The following DSPP variants were observed in gnomAD, a reference collection of about 807,000 sequenced individuals.
The protein encoded by DSPP is dentin sialophosphoprotein, also known as deafness, autosomal dominant 39.
A neutral mutation model predicts 29.1 loss-of-function variants in DSPP; 28 were observed. The observed-to-expected ratio is 0.96, with a 90% CI of 0.71 to 1.32. The LOEUF (loss-of-function observed/expected upper bound fraction) is 1.32. Ranked by LOEUF, DSPP falls within the 40% of genes most tolerant of loss-of-function variation. The pLI, the probability that DSPP is intolerant of heterozygous loss-of-function variation, is 0.00. For synonymous variants in DSPP, 481 were observed against 503.4 expected (o/e 0.96, Z 0.60); for missense variants, 1,281 against 1,629.9 (o/e 0.79, Z 3.69).
At position 87,614,852 on chromosome 4, in the gene DSPP, C is replaced by G. The variant is rs1385594605; in HGVS notation, c.2190C>G (p.Asn730Lys). 3 of 1,551,030 alleles carry G rather than the reference C, an allele frequency of 1.9e-6. No homozygotes were observed. Among genetic ancestry groups the G allele is most frequent in the Admixed American group, 2.0e-5 (1 of 50,968 alleles). Residue 730 changes from asparagine to lysine, a missense_variant, in exon 5 of 5, where the codon AAC becomes AAG. Physicochemically the swap from Asn to Lys is moderately conservative, Grantham distance 94. Transcript: ENST00000651931. ...NSNSSDSDSS[N>K]SSDSSDSSNS... is the part of the protein sequence containing the mutation. ...ACAGCAGCGATAGTGACAGCAGCAA[C>G]AGCAGCGATAGCAGTGACAGCAGCA...
Position 87,616,583 on chromosome 4 carries a change from C to A in DSPP, c.*15C>A. Reference sequence around the variant, plus strand: ...GTGATGATTAGAACAAAAGAAAAACCCGTAAGATTCCTTTTGTGAAAAGTT... The same window carrying A: ...GTGATGATTAGAACAAAAGAAAAACACGTAAGATTCCTTTTGTGAAAAGTT... On this transcript the variant is annotated 3_prime_UTR_variant, in exon 5 of 5. Coordinates refer to ENST00000651931, the MANE Select transcript of DSPP (RefSeq NM_014208.3). The A allele has an allele frequency of 1.3e-6, 2 of 1,551,690 alleles. No homozygotes were observed. Among genetic ancestry groups the A allele is most frequent in the Non-Finnish European group, 1.7e-6 (2 of 1,146,992 alleles).
Position 87,614,505 on chromosome 4 carries a change from G to A in DSPP, c.1843G>A (p.Asp615Asn), listed in dbSNP as rs1320313182. The change falls in exon 5 of 5, where the codon GAT (aspartate) becomes AAT (asparagine). Residue 615 changes from aspartate (D) to asparagine (N), a missense_variant. By Grantham distance (23) the Asp-to-Asn change is conservative (BLOSUM62 1). Transcript: ENST00000651931. ...SDSSDSSDSS[D>N]SSDSSDSKSD... ...CAGCAGTGATAGCAGTGACAGTAGT[G>A]ATAGTAGTGACAGCAGTGACAGCAA... The A allele has an allele frequency of 6.4e-7, 1 of 1,551,004 alleles. No individual in the cohort carries two copies. The highest frequency in any genetic ancestry group is 1.4e-5 in the African/African-American group (1 of 72,794).
At position 87,616,308 on chromosome 4, in the gene DSPP, A is replaced by G; in HGVS notation, c.3646A>G (p.Ser1216Gly). 5 of 1,514,824 alleles carry G rather than the reference A, an allele frequency of 3.3e-6. No homozygotes were observed. The highest frequency in any genetic ancestry group is 4.5e-6 in the Non-Finnish European group (5 of 1,122,408). The allele number at this position is 1,514,824 out of a possible 1,614,324, so 93.8% of individuals were successfully genotyped here. ...CAGTGACAGCAGTGACAGCAGCGAC[A>G]GCAGTGACAGCAGCGACAGCAGTGA... Reference protein sequence around the residue: ...DSSDSSDSSDSSDSSDSSDSS... With the variant: ...DSSDSSDSSDGSDSSDSSDSS... Residue 1216 changes from serine to glycine, a missense_variant, in exon 5 of 5, where the codon AGC (serine) becomes GGC (glycine). Ser to Gly is a moderately conservative substitution (Grantham distance 56). Transcript: ENST00000651931.
Position 87,614,245 on chromosome 4 carries a change from G to T in DSPP, c.1583G>T (p.Gly528Val), listed in dbSNP as rs1215569088. 1 of 1,614,108 alleles carries T rather than the reference G, an allele frequency of 6.2e-7. No individual in the cohort carries two copies. The highest frequency in any genetic ancestry group is 8.5e-7 in the Non-Finnish European group (1 of 1,180,056). ...TSDTNNSDSN[G>V]NGNNGNDDND... ...GACACTAATAATAGTGACAGTAATGGCAATGGTAACAATGGGAATGATGAC... is the reference window on the plus strand; with the variant it reads ...GACACTAATAATAGTGACAGTAATGTCAATGGTAACAATGGGAATGATGAC... The change falls in exon 5 of 5, where the codon GGC becomes GTC. Residue 528 changes from glycine (G) to valine (V), a missense_variant. Transcript: ENST00000651931.
chr4:87,611,351 G>A (rs916753912), intron 2 of DSPP, among the ~76,000 whole-genome samples: 2 of 151,948 alleles, frequency 1.3e-5, no homozygotes, highest in Admixed American at 6.6e-5. Flanking sequence ...ATTCTAATAC[G>A]AACAAAGTCT....
rs773901862 is a variant in DSPP at position 87,612,577 on chromosome 4, A to T, written c.391A>T (p.Ile131Phe). Residue 131 changes from isoleucine (I) to phenylalanine (F), a missense_variant, in exon 4 of 5, where the codon ATC becomes TTC. Physicochemically the swap from Ile to Phe is conservative, Grantham distance 21. This residue lies in a region of DSPP where 631 missense variants were observed against 643.2 expected (regional missense o/e 0.98). Transcript: ENST00000651931. ...HDGIHGKEENITANGIQGQVS... is the reference protein window; with the variant it reads ...HDGIHGKEENFTANGIQGQVS... ...TGGAATACATGGGAAAGAAGAAAAC[A>T]TCACAGCAAATGGCATCCAGGGACA... is the stretch of plus-strand genomic sequence containing the variant. 2 of 1,614,068 alleles carry T rather than the reference A, an allele frequency of 1.2e-6. No homozygotes were observed. The highest frequency in any genetic ancestry group is 1.7e-5 in the Admixed American group (1 of 60,002).
intron 4 of DSPP, 53 bp downstream of exon 4, chr4:87,613,361 A>T: frequency 6.3e-7 from 1 of 1,583,774 alleles, no homozygotes; most frequent in Non-Finnish European, 8.7e-7. Flanking sequence ...CTTCCCCTCC[A>T]TCTATTGATG....
chr4:87,616,771 T>A lies in DSPP; in HGVS notation c.*203T>A. On this transcript the variant is annotated 3_prime_UTR_variant, in exon 5 of 5. Coordinates refer to ENST00000651931, the MANE Select transcript of DSPP (RefSeq NM_014208.3). The stretch of plus-strand genomic sequence containing the variant: ...AGACAGACTCTGAATGCATGACCTT[T>A]GGTACATGCCTGTTAATATTCATGT... 1 of 751,108 alleles carries A rather than the reference T, an allele frequency of 1.3e-6. No individual in the cohort carries two copies. The highest frequency in any genetic ancestry group is 2.1e-6 in the Non-Finnish European group (1 of 467,608). The allele number at this position is 751,108 out of a possible 1,614,324, so 46.5% of individuals were successfully genotyped here.
rs1271498549 is a variant in DSPP, at chr4:87,612,651, T to C, written c.465T>C (p.Asn155=). The C allele has an allele frequency of 2.5e-6, 4 of 1,613,848 alleles. No individual in the cohort carries two copies. Among genetic ancestry groups the C allele is most frequent in the Non-Finnish European group, 3.4e-6 (4 of 1,179,966 alleles). ...NAGATNRSNT[N]GNTDKNTQNG... is the part of the protein sequence containing the mutation. Reference sequence around the variant, plus strand: ...GAGCCACAAACAGAAGCAACACTAATGGAAATACTGATAAGAATACCCAAA... The same window carrying C: ...GAGCCACAAACAGAAGCAACACTAACGGAAATACTGATAAGAATACCCAAA... The change falls in exon 4 of 5, where the codon AAT becomes AAC. Residue 155 remains asparagine, a synonymous_variant. Transcript: ENST00000651931.
chr4:87,611,477 T>A (rs528994666), intron 2 of DSPP, among the ~76,000 whole-genome samples: 84 of 152,246 alleles, frequency 5.5e-4, no homozygotes, highest in African/African-American at 1.9e-3. Flanking sequence ...TGTGGAAAAT[T>A]TGGAATATAT....
Position 87,615,186 on chromosome 4 carries a change from AG to A in DSPP, c.2525del (p.Ser842ThrfsTer472), listed in dbSNP as rs1395922945. 2.6e-6 allele frequency: 4 copies of A among 1,512,724 alleles called. No individual in the cohort carries two copies. Among genetic ancestry groups the A allele is most frequent in the Admixed American group, 2.1e-5 (1 of 48,378 alleles). The allele number at this position is 1,512,724 out of a possible 1,614,324, so 93.7% of individuals were successfully genotyped here. A position where few individuals can be genotyped will look rare whatever the true frequency, so the allele number is the denominator to read the frequency against. ...SSDSSNSSDS[S>X]DSSDSSDGSD... ...CGATAGCAGCAACAGCAGTGATAGC[AG>A]CGACAGCAGCGATAGCAGTGACGGC... On this transcript the variant is annotated frameshift_variant, in exon 5 of 5. Coordinates refer to ENST00000651931, the MANE Select transcript of DSPP (RefSeq NM_014208.3). LOFTEE classifies it low-confidence loss of function (END_TRUNC).
rs1376620694 is a variant in DSPP at position 87,610,905 on chromosome 4, G to A, written c.-4G>A. On this transcript the variant is annotated 5_prime_UTR_variant, in exon 2 of 5. Transcript: ENST00000651931. ...GCCATTGATTATTATTATTCCTAAA[G>A]AAAATGAAGATAATTACATATTTTT... is the stretch of plus-strand genomic sequence containing the variant. 3 of 1,611,824 alleles carry A rather than the reference G, an allele frequency of 1.9e-6. No individual in the cohort carries two copies. In the African/African-American group the frequency reaches 4.0e-5, roughly 22 times the overall value.
At chr4:87,610,750 G>A (rs892450520) in intron 1 of DSPP, 131 bp from the exon 2 acceptor site, 36 of 664,560 alleles carry the variant, frequency 5.4e-5, no homozygotes, top group South Asian at 2.9e-4. Flanking sequence ...CTGGACCATC[G>A]TATGTCTTCT....
Position 87,616,331 on chromosome 4 carries a change from T to C in DSPP, c.3669T>C (p.Ser1223=), listed in dbSNP as rs371506719. 585 of 1,509,614 alleles carry C rather than the reference T, an allele frequency of 3.9e-4. No individual in the cohort carries two copies. Among genetic ancestry groups the C allele is most frequent in the Non-Finnish European group, 2.9e-4 (321 of 1,121,320 alleles). 93.5% of individuals were successfully genotyped at this position (1,509,614 alleles called of 1,614,324 possible). A position where few individuals can be genotyped will look rare whatever the true frequency, so the allele number is the denominator to read the frequency against. ...ACAGCAGTGACAGCAGCGACAGCAG[T>C]GACAGCAGCGACAGCAGTGACAGCA... The part of the protein sequence containing the change: ...SSDSSDSSDS[S]DSSDSSDSNE... Residue 1223 remains serine (S), a synonymous_variant, in exon 5 of 5, where the codon AGT becomes AGC. Transcript: ENST00000651931.
Position 87,612,938 on chromosome 4 carries a change from C to A in DSPP, c.752C>A (p.Ala251Glu). Residue 251 changes from alanine to glutamate, a missense_variant, in exon 4 of 5, where the codon GCA becomes GAA. This residue lies in a region of DSPP where 631 missense variants were observed against 643.2 expected (regional missense o/e 0.98). Coordinates refer to ENST00000651931, the MANE Select transcript of DSPP (RefSeq NM_014208.3). Reference protein sequence around the residue: ...NSDGSPSGNGADEDEDEGSGD... With the variant: ...NSDGSPSGNGEDEDEDEGSGD... ...GATGGGAGTCCTAGTGGGAATGGAG[C>A]AGATGAGGATGAAGACGAGGGTTCT... The A allele has an allele frequency of 6.2e-7, 1 of 1,613,942 alleles. No individual in the cohort carries two copies. Among genetic ancestry groups the A allele is most frequent in the South Asian group, 1.1e-5 (1 of 91,062 alleles).
chr4:87,615,716 TA>T lies in DSPP; in HGVS notation c.3055del (p.Ser1019ValfsTer295), dbSNP rs1727883392. 1 of 1,483,518 alleles carries T rather than the reference TA, an allele frequency of 6.7e-7. No individual in the cohort carries two copies. The highest frequency in any genetic ancestry group is 9.0e-7 in the Non-Finnish European group (1 of 1,107,294). 91.9% of individuals were successfully genotyped at this position (1,483,518 alleles called of 1,614,324 possible). A position where few individuals can be genotyped will look rare whatever the true frequency, so the allele number is the denominator to read the frequency against. ...GTGACAGCAGTGATAGCAGTAATAG[TA>T]GTGACAGCAGCAATAGCAGTGACAG... is the stretch of plus-strand genomic sequence containing the variant. ...SSDSSDSSNS[S>X]DSSNSSDSSN... On this transcript the variant is annotated frameshift_variant, in exon 5 of 5. Coordinates refer to ENST00000651931, the MANE Select transcript of DSPP (RefSeq NM_014208.3). LOFTEE classifies it low-confidence loss of function (END_TRUNC).
Position 87,614,178 on chromosome 4 carries a change from G to A in DSPP, c.1516G>A (p.Asp506Asn). ...DESKDNGNGS[D>N]SKGAEDDDSD... ...ATCAAAAGATAATGGCAATGGCAGTGACTCAAAAGGAGCAGAAGATGATGA... is the reference window on the plus strand; with the variant it reads ...ATCAAAAGATAATGGCAATGGCAGTAACTCAAAAGGAGCAGAAGATGATGA... Residue 506 changes from aspartate to asparagine, a missense_variant, in exon 5 of 5, where the codon GAC becomes AAC. Transcript: ENST00000651931. 6.2e-6 allele frequency: 10 copies of A among 1,614,232 alleles called. No homozygotes were observed. Among genetic ancestry groups the A allele is most frequent in the Non-Finnish European group, 7.6e-6 (9 of 1,180,042 alleles).
Position 87,615,963 on chromosome 4 carries a change from G to A in DSPP, c.3301G>A (p.Asp1101Asn), listed in dbSNP as rs201186956. The change falls in exon 5 of 5, where the codon GAC (aspartate) becomes AAC (asparagine). Residue 1101 changes from aspartate to asparagine, a missense_variant. Physicochemically the swap from Asp to Asn is conservative, Grantham distance 23 (BLOSUM62 1). Transcript: ENST00000651931. ...TAGCAGTGACAGCAGCGATAGCAGC[G>A]ACAGCAGCGACAGCAGCGATAGCAG... The part of the protein sequence containing the change: ...SNSSDSSDSS[D>N]SSDSSDSSDS... 2.0e-5 allele frequency: 9 copies of A among 448,400 alleles called. 1 individual carries two copies. The African/African-American group carries it at 6.7e-4, about 33-fold the overall frequency. The allele number at this position is 448,400 out of a possible 1,614,324, so 27.8% of individuals were successfully genotyped here.
intron 2 of DSPP, among the ~76,000 whole-genome samples, chr4:87,611,806 T>G (rs1727739309): frequency 6.6e-6 from 1 of 152,182 alleles, no homozygotes; most frequent in Non-Finnish European, 1.5e-5. Context: ...CCCTCGTCTT[T>G]CTACAAGACT....
Sources: allele counts gnomAD v4.1 joint callset (sites outside exome capture counted in the v4.1 genomes callset), GRCh38; gene constraint gnomAD v4.1.1; regional missense constraint gnomAD v4.1.1; transcripts MANE v1.5; gene names NCBI Gene and HGNC (gene_info 2026-07-23, HGNC 2026-07-21).